Variants in MYL11 observed in about 807,000 individuals in gnomAD.
The protein encoded by MYL11 is myosin regulatory light chain 11.
chr16:30,376,417 C>T, the MYL11 span: 1 of 1,611,448 alleles, frequency 6.2e-7, no homozygotes, highest in Non-Finnish European at 8.5e-7. Context: ...CCCCAACCCC[C>T]TCCAGGCCGC....
the MYL11 span, chr16:30,374,838 G>A: frequency 6.2e-7 from 1 of 1,613,182 alleles, no homozygotes; most frequent in Non-Finnish European, 8.5e-7. Context: ...CCGCTGCCTT[G>A]CCCCCCGGAG....
At chr16:30,373,405 C>A in the MYL11 span, among the ~76,000 whole-genome samples, 36 of 152,318 alleles carry the variant, frequency 2.4e-4, no homozygotes, top group Non-Finnish European at 4.3e-4. Context: ...ATCATCCTGG[C>A]TAACGCGGGG....
At chr16:30,377,808 T>C in the MYL11 span, 2 of 1,614,036 alleles carry the variant, frequency 1.2e-6, no homozygotes, top group Non-Finnish European at 1.7e-6. Context: ...CAAGAACATG[T>C]GGGCGGCCTT....
the MYL11 span, chr16:30,377,653 G>T: frequency 2.0e-6 from 3 of 1,516,432 alleles, no homozygotes; most frequent in Non-Finnish European, 2.7e-6. Flanking sequence ...CCTCTCTCCA[G>T]CCTGGAGGAG....
the MYL11 span, among the ~76,000 whole-genome samples, chr16:30,374,462 ATC>A: frequency 6.6e-6 from 1 of 152,138 alleles, no homozygotes; most frequent in African/African-American, 2.4e-5. Context: ...CTGGGTTTAA[ATC>A]TGAGCCCACC....
At chr16:30,376,729 C>A in the MYL11 span, 1 of 1,595,022 alleles carries the variant, frequency 6.3e-7, no homozygotes, top group Non-Finnish European at 8.6e-7. Flanking sequence ...CCTTCCGACC[C>A]TTCCCCCACT....
chr16:30,374,352 GC>G, the MYL11 span, among the ~76,000 whole-genome samples: 2 of 150,942 alleles, frequency 1.3e-5, no homozygotes. Flanking sequence ...TCACTATGTT[GC>G]CCAGGCTGGT....
the MYL11 span, chr16:30,376,486 A>G: frequency 6.2e-7 from 1 of 1,614,104 alleles, no homozygotes; most frequent in South Asian, 1.1e-5. Flanking sequence ...GGTCCCATCA[A>G]CTTCACCGTC....
At chr16:30,374,830 G>A in the MYL11 span, 23 of 1,612,830 alleles carry the variant, frequency 1.4e-5, no homozygotes, top group South Asian at 3.3e-5. Context: ...AGCCGGAGCC[G>A]CTGCCTTGCC....
At chr16:30,372,406 A>T in the MYL11 span, 1 of 152,354 alleles carries the variant, frequency 6.6e-6, no homozygotes. Context: ...AGGGGGAGGC[A>T]TCTTCCTCAG....
the MYL11 span, chr16:30,375,726 C>A: frequency 9.6e-7 from 1 of 1,045,742 alleles, no homozygotes; most frequent in Middle Eastern, 2.1e-4. Context: ...GCTTTAGGAA[C>A]AGGGACTCGA....
chr16:30,377,657 G>A, the MYL11 span: 6 of 1,519,366 alleles, frequency 3.9e-6, 1 homozygote, highest in South Asian at 7.6e-5. Flanking sequence ...TCTCCAGCCT[G>A]GAGGAGCTGC....
chr16:30,377,749 C>T, the MYL11 span: 166 of 1,594,096 alleles, frequency 1.0e-4, 2 homozygotes, highest in East Asian at 3.4e-3. Context: ...GGGCTGGGGC[C>T]GGGGAGACTA....
the MYL11 span, among the ~76,000 whole-genome samples, chr16:30,373,762 C>CAA: frequency 1.9e-5 from 2 of 106,106 alleles, no homozygotes; most frequent in Non-Finnish European, 2.0e-5. Flanking sequence ...GACTCCATCT[C>CAA]AAAAAAAAAA....
the MYL11 span, chr16:30,377,584 GA>G: frequency 7.3e-7 from 1 of 1,378,464 alleles, no homozygotes; most frequent in Non-Finnish European, 9.5e-7. Flanking sequence ...TGGCATCGGG[GA>G]TGAGGTGCGA....
the MYL11 span, chr16:30,376,761 A>T: frequency 1.3e-6 from 2 of 1,499,672 alleles, no homozygotes; most frequent in South Asian, 2.3e-5. Flanking sequence ...TCCCACACTG[A>T]CAGCCTCCTT....
At chr16:30,375,836 A>G in the MYL11 span, 5 of 1,614,006 alleles carry the variant, frequency 3.1e-6, no homozygotes, top group Non-Finnish European at 4.2e-6. Flanking sequence ...AAGAGGGCCA[A>G]GAGAAGGACA....
At chr16:30,376,873 G>T in the MYL11 span, among the ~76,000 whole-genome samples, 1 of 152,106 alleles carries the variant, frequency 6.6e-6, no homozygotes, top group Non-Finnish European at 1.5e-5. Context: ...TTTGAGATCA[G>T]CCTGGATAAC....
At chr16:30,371,575 A>G in the MYL11 span, among the ~76,000 whole-genome samples, 1 of 152,060 alleles carries the variant, frequency 6.6e-6, no homozygotes, top group Non-Finnish European at 1.5e-5. Context: ...GTTCCCATCT[A>G]TCTGAGCTCC....
Sources: gnomAD v4.1 joint callset for allele counts (sites outside exome capture counted in the v4.1 genomes callset) on GRCh38, gnomAD v4.1.1 for gene constraint, MANE v1.5 for transcripts, NCBI Gene and HGNC (gene_info 2026-07-23, HGNC 2026-07-21) for gene names.